Variants in STPG1 observed in about 807,000 individuals in gnomAD.
The protein encoded by STPG1 is O(6)-methylguanine-induced apoptosis 2.
A neutral mutation model predicts 40.1 loss-of-function variants in STPG1; 33 were observed. That is an observed-to-expected ratio of 0.82 (90% CI 0.62 to 1.10). The LOEUF is 1.10. Among genes scored for constraint, STPG1 ranks in the 50% least tolerant of loss-of-function variants. The pLI, the probability that STPG1 is intolerant of heterozygous loss-of-function variation, is 0.00. For synonymous variants in STPG1, 150 were observed against 155.0 expected, an observed-to-expected ratio of 0.97 and a Z score of 0.24; for missense variants, 396 against 415.1, an observed-to-expected ratio of 0.95 and a Z score of 0.40.
intron 2 of STPG1, among the ~76,000 whole-genome samples, chr1:24,399,000 A>C (rs1643114177): frequency 6.6e-6 from 1 of 152,150 alleles, no homozygotes; most frequent in South Asian, 2.1e-4. Flanking sequence ...TTGTATAGCT[A>C]CCCAGATTTG....
At chr1:24,404,688 A>G (rs993161392) in intron 1 of STPG1, among the ~76,000 whole-genome samples, 1 of 152,168 alleles carries the variant, frequency 6.6e-6, no homozygotes, top group Non-Finnish European at 1.5e-5. Context: ...ATCTATCACG[A>G]AACTTACGGG....
At chr1:24,404,144 G>A (rs1643331004) in intron 1 of STPG1, among the ~76,000 whole-genome samples, 1 of 152,090 alleles carries the variant, frequency 6.6e-6, no homozygotes, top group African/African-American at 2.4e-5. Flanking sequence ...AACAGGAACA[G>A]GTGATCAATT....
chr1:24,405,005 T>G (rs1643360726), intron 1 of STPG1, among the ~76,000 whole-genome samples: 1 of 152,262 alleles, frequency 6.6e-6, no homozygotes, highest in Non-Finnish European at 1.5e-5. Context: ...ATTTAGACCC[T>G]GGAGTGCAGT....
At chr1:24,381,848 A>C (rs1642298410) in intron 4 of STPG1, among the ~76,000 whole-genome samples, 1 of 152,170 alleles carries the variant, frequency 6.6e-6, no homozygotes, top group South Asian at 2.1e-4. Context: ...TTACTGAAAG[A>C]GGCGGTGGGG....
intron 6 of STPG1, among the ~76,000 whole-genome samples, chr1:24,370,384 C>T (rs1314315815): frequency 6.6e-6 from 1 of 150,408 alleles, no homozygotes; most frequent in Admixed American, 6.6e-5. Flanking sequence ...GGCACAATCA[C>T]AATCACAGCT....
At chr1:24,384,401 T>C (rs1642416064) in intron 3 of STPG1, among the ~76,000 whole-genome samples, 1 of 152,206 alleles carries the variant, frequency 6.6e-6, no homozygotes, top group Non-Finnish European at 1.5e-5. Context: ...GATTTCATGT[T>C]CACCCCACCC....
intron 3 of STPG1, among the ~76,000 whole-genome samples, chr1:24,386,258 A>T (rs2148700967): frequency 6.6e-6 from 1 of 152,338 alleles, no homozygotes; most frequent in South Asian, 2.1e-4. Context: ...GAAGCTCACA[A>T]CTTTCCTGGG....
intron 3 of STPG1, among the ~76,000 whole-genome samples, chr1:24,384,345 G>A (rs1642413360): frequency 6.6e-6 from 1 of 152,244 alleles, no homozygotes; most frequent in Non-Finnish European, 1.5e-5. Context: ...GCAAGTCAGT[G>A]TGCAGTGATT....
chr1:24,395,405 A>C (rs1461373794), intron 2 of STPG1, among the ~76,000 whole-genome samples: 2 of 151,546 alleles, frequency 1.3e-5, no homozygotes, highest in Admixed American at 1.3e-4. Context: ...AGAAAATATA[A>C]AATTATGAGT....
chr1:24,398,636 T>A (rs984701841), intron 2 of STPG1, among the ~76,000 whole-genome samples: 1 of 152,144 alleles, frequency 6.6e-6, no homozygotes, highest in African/African-American at 2.4e-5. Flanking sequence ...GAGGTAATAG[T>A]TGGATTTAGT....
intron 2 of STPG1, 67 bp from the exon 3 acceptor site, chr1:24,391,746 C>T (rs1057196266): frequency 7.6e-7 from 1 of 1,313,156 alleles, no homozygotes; most frequent in Non-Finnish European, 1.0e-6. Context: ...GTGGAAAACA[C>T]AAAGGTGTAT....
chr1:24,377,738 C>A (rs1304765774), intron 5 of STPG1, among the ~76,000 whole-genome samples: 2 of 152,180 alleles, frequency 1.3e-5, no homozygotes, highest in Non-Finnish European at 2.9e-5. Flanking sequence ...AGAGGAGCAA[C>A]AGGATCCACA....
chr1:24,385,811 C>A (rs1361288279), intron 3 of STPG1, among the ~76,000 whole-genome samples: 3 of 152,198 alleles, frequency 2.0e-5, no homozygotes, highest in African/African-American at 7.2e-5. Flanking sequence ...GCTAAGTGAT[C>A]TTGAGCAAGT....
chr1:24,379,511 T>C (rs1313147496), intron 5 of STPG1, 142 bp downstream of exon 5: 2 of 879,132 alleles, frequency 2.3e-6, no homozygotes, highest in African/African-American at 1.7e-5. Context: ...TGTACAGCCT[T>C]AGGCACCCAT....
intron 4 of STPG1, among the ~76,000 whole-genome samples, chr1:24,381,473 T>G (rs1168627283): frequency 6.6e-6 from 1 of 152,170 alleles, no homozygotes; most frequent in East Asian, 1.9e-4. Flanking sequence ...ACCTACTAAC[T>G]TTTCTAGAGC....
chr1:24,376,112 C>T (rs1366521172), intron 5 of STPG1, among the ~76,000 whole-genome samples: 1 of 152,196 alleles, frequency 6.6e-6, no homozygotes, highest in Non-Finnish European at 1.5e-5. Context: ...CCTCCACTTT[C>T]CAGGTTCAAG....
chr1:24,405,792 T>C (rs761977544), intron 1 of STPG1, among the ~76,000 whole-genome samples: 25 of 146,652 alleles, frequency 1.7e-4, no homozygotes, highest in Non-Finnish European at 3.3e-4. Context: ...GCCCTGGTAA[T>C]ATTCCTTGTT....
At chr1:24,384,063 AG>A (rs766596773) in intron 3 of STPG1, 60 bp from the exon 4 acceptor site, 130 of 1,060,596 alleles carry the variant, frequency 1.2e-4, no homozygotes, top group Non-Finnish European at 1.8e-4. Context: ...GCTTTTCCAC[AG>A]GCTTTACATC....
chr1:24,367,049 C>T (rs945486799), intron 7 of STPG1, among the ~76,000 whole-genome samples: 5 of 152,220 alleles, frequency 3.3e-5, no homozygotes, highest in African/African-American at 1.2e-4. Context: ...GCCCCAGACA[C>T]GCAGTCCCGC....
Sources: allele counts gnomAD v4.1 joint callset (sites outside exome capture counted in the v4.1 genomes callset), GRCh38; gene constraint gnomAD v4.1.1; transcripts MANE v1.5; gene names NCBI Gene and HGNC (gene_info 2026-07-23, HGNC 2026-07-21).